NDFIP1: variants seen among roughly 807,000 people sequenced by gnomAD.
NDFIP1 encodes Nedd4 family interacting protein 1.
A neutral mutation model predicts 28.8 loss-of-function variants in NDFIP1; 7 were observed. The observed-to-expected ratio is 0.24, with a 90% CI of 0.14 to 0.46. The LOEUF (loss-of-function observed/expected upper bound fraction) is 0.46, where lower values mean the gene tolerates loss of function less well. NDFIP1 is among the 20% of genes least tolerant of loss of function. The pLI is 0.99. For synonymous variants in NDFIP1, 92 were observed against 101.0 expected (o/e 0.91, Z 0.53); for missense variants, 194 against 269.1 (o/e 0.72, Z 1.95).
chr5:142,118,022 A>C (rs991809875), intron 1 of NDFIP1, among the ~76,000 whole-genome samples: 2 of 152,160 alleles, frequency 1.3e-5, no homozygotes, highest in Non-Finnish European at 2.9e-5. Flanking sequence ...GGCACACGCC[A>C]GCACACCCAG....
rs1346991950 is a variant in NDFIP1 at position 142,116,922 on chromosome 5, G to C, written c.63+7885G>C. ...GATGGGGTTTCACCACGTTGCCCAGGCTGGTCTCGAACTCCTGGCCTTAAG... is the reference window on the plus strand; with the variant it reads ...GATGGGGTTTCACCACGTTGCCCAGCCTGGTCTCGAACTCCTGGCCTTAAG... On this transcript the variant is annotated intron_variant, in intron 1 of 7. Coordinates refer to ENST00000253814, the MANE Select transcript of NDFIP1 (RefSeq NM_030571.4). Among the ~76,000 whole-genome samples the C allele has an allele frequency of 1.6e-4, 25 of 152,024 alleles. 1 individual carries two copies. Among genetic ancestry groups the C allele is most frequent in the Admixed American group, 1.6e-3 (25 of 15,256 alleles).
At chr5:142,136,579 A>AT (rs1451748652) in intron 4 of NDFIP1, among the ~76,000 whole-genome samples, 1 of 135,572 alleles carries the variant, frequency 7.4e-6, no homozygotes, top group Non-Finnish European at 1.7e-5. Flanking sequence ...CCATGGTGAA[A>AT]CCCCATCTCT....
At chr5:142,137,285 C>T (rs183986854) in intron 4 of NDFIP1, among the ~76,000 whole-genome samples, 4 of 152,248 alleles carry the variant, frequency 2.6e-5, no homozygotes, top group Non-Finnish European at 5.9e-5. Context: ...CTCAGCCTCC[C>T]AAGTAGCTGG....
intron 7 of NDFIP1, 127 bp downstream of exon 7, chr5:142,144,803 C>T: frequency 1.9e-6 from 1 of 536,576 alleles, no homozygotes; most frequent in Non-Finnish European, 3.3e-6. Flanking sequence ...ACAGTCCCTG[C>T]CTTTTAGCAG....
rs188123299 is a variant in NDFIP1 at position 142,126,075 on chromosome 5, C to G, written c.64-5733C>G. ...AAATAATTTGGTGATGTTAGAATAA[C>G]AGAGTTTATATTTACAATATATAAA... On this transcript the variant is annotated intron_variant, in intron 1 of 7. Coordinates refer to ENST00000253814, the MANE Select transcript of NDFIP1 (RefSeq NM_030571.4). 1.8e-3 allele frequency among the ~76,000 whole-genome samples: 277 copies of G among 152,198 alleles called. 2 individuals carry two copies. Among genetic ancestry groups the G allele is most frequent in the Middle Eastern group, 0.01 (3 of 294 alleles).
chr5:142,153,053 C>T lies in NDFIP1; in HGVS notation c.*1325C>T, dbSNP rs562224350. 4 of 338,534 alleles carry T rather than the reference C, an allele frequency of 1.2e-5. No individual in the cohort carries two copies. Among genetic ancestry groups the T allele is most frequent in the Middle Eastern group, 1.1e-3 (1 of 934 alleles). The allele number at this position is 338,534 out of a possible 1,614,324, so 21.0% of individuals were successfully genotyped here. A position where few individuals can be genotyped will look rare whatever the true frequency, so the allele number is the denominator to read the frequency against. ...CATTCTGGAATTCCTAATTATGCTTCAATTTTTAGACATAATTTTAGATAA... is the reference window on the plus strand; with the variant it reads ...CATTCTGGAATTCCTAATTATGCTTTAATTTTTAGACATAATTTTAGATAA... On this transcript the variant is annotated 3_prime_UTR_variant, in exon 8 of 8. Coordinates refer to ENST00000253814, the MANE Select transcript of NDFIP1 (RefSeq NM_030571.4).
At chr5:142,131,770 G>T in intron 1 of NDFIP1, 38 bp from the exon 2 acceptor site, 1 of 1,493,938 alleles carries the variant, frequency 6.7e-7, no homozygotes, top group Non-Finnish European at 9.0e-7. Context: ...TTTCTAATTG[G>T]CTTTATGCTT....
chr5:142,144,249 G>T, intron 6 of NDFIP1: 1 of 168,162 alleles, frequency 5.9e-6, no homozygotes, highest in South Asian at 1.7e-4. Context: ...TGCTTTTTTG[G>T]AACTCAATAG....
chr5:142,128,191 G>A (rs1757189594), intron 1 of NDFIP1, among the ~76,000 whole-genome samples: 1 of 152,012 alleles, frequency 6.6e-6, no homozygotes, highest in Non-Finnish European at 1.5e-5. Flanking sequence ...AGTTAAATTG[G>A]ACTCGGGCTT....
intron 1 of NDFIP1, among the ~76,000 whole-genome samples, chr5:142,113,959 G>A (rs544296235): frequency 2.0e-5 from 3 of 152,242 alleles, no homozygotes; most frequent in Admixed American, 6.5e-5. Context: ...ATTTGTTGAC[G>A]GATGCTTGGT....
intron 6 of NDFIP1, among the ~76,000 whole-genome samples, chr5:142,142,449 C>T (rs929775695): frequency 9.9e-5 from 15 of 152,104 alleles, no homozygotes; most frequent in African/African-American, 3.4e-4. Context: ...ACCCGTGTTT[C>T]CCCAAGTCAA....
chr5:142,126,654 G>T (rs1010734058), intron 1 of NDFIP1, among the ~76,000 whole-genome samples: 1 of 152,098 alleles, frequency 6.6e-6, no homozygotes, highest in East Asian at 1.9e-4. Flanking sequence ...GATAATCCAA[G>T]AATGACTTTT....
chr5:142,122,652 C>T (rs1387968887), intron 1 of NDFIP1, among the ~76,000 whole-genome samples: 2 of 152,162 alleles, frequency 1.3e-5, no homozygotes, highest in Non-Finnish European at 1.5e-5. Context: ...TTCTCAACAA[C>T]ATTTGGTATT....
chr5:142,127,902 G>C (rs1352334597), intron 1 of NDFIP1, among the ~76,000 whole-genome samples: 1 of 152,172 alleles, frequency 6.6e-6, no homozygotes, highest in East Asian at 1.9e-4. Flanking sequence ...GTTGCAGTGA[G>C]CCAAGATGGT....
rs761699097 is a variant in NDFIP1 at position 142,150,180 on chromosome 5, CAAAAAA to C, written c.*3-1536_*3-1531del. On this transcript the variant is annotated intron_variant, in intron 7 of 7. Coordinates refer to ENST00000253814, the MANE Select transcript of NDFIP1 (RefSeq NM_030571.4). ...TGGGTGATAGAGCGGGACTCCGTCT[CAAAAAA>C]AAAAAAAAAAAAAATATATAGAAAC... Among the ~76,000 whole-genome samples the C allele has an allele frequency of 3.5e-3, 278 of 79,348 alleles. 2 individuals carry two copies. The highest frequency in any genetic ancestry group is 0.012 in the African/African-American group (200 of 16,266). The allele number at this position is 79,348 out of a possible 152,430, so 52.1% of individuals were successfully genotyped here. A position where few individuals can be genotyped will look rare whatever the true frequency, so the allele number is the denominator to read the frequency against.
Position 142,133,741 on chromosome 5 carries a change from T to C in NDFIP1, c.282+1399T>C, listed in dbSNP as rs184227879. ...ACATGTATAAAGCACTTTTTAAATATAAGATGCAGTATATTTTACAGTGGA... is the reference window on the plus strand; with the variant it reads ...ACATGTATAAAGCACTTTTTAAATACAAGATGCAGTATATTTTACAGTGGA... On this transcript the variant is annotated intron_variant, in intron 3 of 7. Transcript: ENST00000253814. Among the ~76,000 whole-genome samples the C allele has an allele frequency of 3.8e-4, 58 of 152,360 alleles. 1 individual carries two copies. Among genetic ancestry groups the C allele is most frequent in the Admixed American group, 1.3e-3 (20 of 15,308 alleles).
chr5:142,129,665 G>C (rs930667721), intron 1 of NDFIP1, among the ~76,000 whole-genome samples: 11 of 152,024 alleles, frequency 7.2e-5, no homozygotes, highest in Non-Finnish European at 1.0e-4. Flanking sequence ...AATGGCTCAC[G>C]CCTGTAATTC....
intron 2 of NDFIP1, 116 bp from the exon 3 acceptor site, chr5:142,132,096 T>C: frequency 3.2e-6 from 4 of 1,251,848 alleles, no homozygotes; most frequent in Non-Finnish European, 4.4e-6. Flanking sequence ...TTTGGTTCAA[T>C]TGTTATGTAT....
At chr5:142,110,589 T>C (rs1266294566) in intron 1 of NDFIP1, among the ~76,000 whole-genome samples, 1 of 152,108 alleles carries the variant, frequency 6.6e-6, no homozygotes, top group Non-Finnish European at 1.5e-5. Flanking sequence ...ATTTTTTAAT[T>C]ATGCAGAATT....
Sources: gnomAD v4.1 joint callset for allele counts (sites outside exome capture counted in the v4.1 genomes callset) on GRCh38, gnomAD v4.1.1 for gene constraint, MANE v1.5 for transcripts, NCBI Gene and HGNC (gene_info 2026-07-23, HGNC 2026-07-21) for gene names.